Variants in ASB7 observed in about 807,000 individuals in gnomAD.
The protein encoded by ASB7 is ankyrin repeat and SOCS box protein 7.
In ASB7, 4 loss-of-function variants were observed where a neutral mutation model predicts 32.5. The observed-to-expected ratio is 0.12, with a 90% CI of 0.06 to 0.28. The LOEUF is 0.28. Among genes scored for constraint, ASB7 ranks in the 10% least tolerant of loss-of-function variants. The probability of loss-of-function intolerance (pLI) is 1.00; values close to 1 mark genes in which losing one functional copy is unlikely to be tolerated. For missense variants in ASB7, 181 were observed against 407.1 expected (o/e 0.44, Z 4.78); for synonymous variants, 172 against 155.6 (o/e 1.11, Z -0.78).
intron 2 of ASB7, among the ~76,000 whole-genome samples, chr15:100,606,735 CTTGT>C (rs1224967760): frequency 1.3e-5 from 2 of 152,006 alleles, no homozygotes; most frequent in Non-Finnish European, 2.9e-5. Flanking sequence ...GAAAGTCTTC[CTTGT>C]TTGTTTGCTT....
intron 3 of ASB7, among the ~76,000 whole-genome samples, chr15:100,611,282 G>A (rs980480978): frequency 6.6e-6 from 1 of 151,820 alleles, no homozygotes; most frequent in Non-Finnish European, 1.5e-5. Context: ...TGAACTCCTG[G>A]GCTCAAGTGG....
intron 5 of ASB7, 72 bp from the exon 6 acceptor site, chr15:100,648,251 A>G: frequency 2.1e-6 from 3 of 1,436,792 alleles, no homozygotes; most frequent in South Asian, 1.4e-5. Flanking sequence ...GGAAATGAAC[A>G]GTTCTTTTCA....
At chr15:100,603,501 C>T (rs184913593) in intron 2 of ASB7, among the ~76,000 whole-genome samples, 188 bp downstream of exon 2, 3 of 140,828 alleles carry the variant, frequency 2.1e-5, no homozygotes, top group East Asian at 2.3e-4. Context: ...AACTTCTCTA[C>T]CCAGGACAGT....
intron 4 of ASB7, among the ~76,000 whole-genome samples, chr15:100,619,792 C>T (rs1194538926): frequency 6.6e-6 from 1 of 152,212 alleles, no homozygotes. Context: ...TGACCACAGG[C>T]AGCCTGGTGG....
intron 4 of ASB7, among the ~76,000 whole-genome samples, chr15:100,616,906 C>T (rs1037897934): frequency 5.9e-5 from 9 of 152,216 alleles, no homozygotes; most frequent in African/African-American, 2.2e-4. Context: ...TTAATGTCTG[C>T]ACTCTCATGG....
intron 5 of ASB7, among the ~76,000 whole-genome samples, chr15:100,646,914 G>C (rs2040000749): frequency 1.3e-5 from 2 of 152,184 alleles, no homozygotes; most frequent in Non-Finnish European, 2.9e-5. Context: ...TGGTGTGATT[G>C]ATGTGACTTA....
intron 3 of ASB7, among the ~76,000 whole-genome samples, chr15:100,611,484 C>CTTTTTTTTTTTTGTTTTTTTT (rs2039694807): frequency 1.3e-5 from 1 of 77,144 alleles, no homozygotes; most frequent in Non-Finnish European, 2.3e-5. Context: ...TGTTTCGATT[C>CTTTTTTTTTTTTGTTTTTTTT]TTTTTTTTTT....
intron 4 of ASB7, among the ~76,000 whole-genome samples, chr15:100,614,432 C>T (rs986317641): frequency 6.6e-5 from 10 of 152,054 alleles, no homozygotes; most frequent in African/African-American, 2.4e-4. Context: ...CAGGAGTCTG[C>T]AAACTTGTTC....
chr15:100,647,796 C>T (rs916959861), intron 5 of ASB7, among the ~76,000 whole-genome samples: 8 of 152,072 alleles, frequency 5.3e-5, no homozygotes, highest in Admixed American at 2.0e-4. Flanking sequence ...CCACAGAGAC[C>T]GTGGTGGGTG....
chr15:100,645,338 T>C (rs1420193170), intron 5 of ASB7: 6 of 233,752 alleles, frequency 2.6e-5, no homozygotes, highest in Non-Finnish European at 5.1e-5. Flanking sequence ...GGCTGCTTTC[T>C]GCATCTGCAT....
chr15:100,635,703 G>A (rs2039917577), intron 5 of ASB7, among the ~76,000 whole-genome samples: 1 of 152,158 alleles, frequency 6.6e-6, no homozygotes, highest in Non-Finnish European at 1.5e-5. Flanking sequence ...CCAGTGGTCT[G>A]CAGTCTTCTG....
At chr15:100,639,173 A>G (rs1316301189) in intron 5 of ASB7, among the ~76,000 whole-genome samples, 1 of 152,228 alleles carries the variant, frequency 6.6e-6, no homozygotes, top group Admixed American at 6.5e-5. Context: ...TTTCTAAAAG[A>G]AAAAGATCAA....
intron 5 of ASB7, among the ~76,000 whole-genome samples, chr15:100,633,887 A>C (rs982842510): frequency 4.6e-5 from 7 of 152,152 alleles, no homozygotes; most frequent in Admixed American, 1.3e-4. Context: ...TAATGTTTGC[A>C]CACACACCAC....
chr15:100,647,366 A>T (rs1236990907), intron 5 of ASB7, among the ~76,000 whole-genome samples: 1 of 152,240 alleles, frequency 6.6e-6, no homozygotes, highest in Non-Finnish European at 1.5e-5. Flanking sequence ...AAAGGAGTTA[A>T]TACATGTCAT....
chr15:100,639,079 C>T (rs2039944032), intron 5 of ASB7, among the ~76,000 whole-genome samples: 1 of 152,164 alleles, frequency 6.6e-6, no homozygotes, highest in Non-Finnish European at 1.5e-5. Flanking sequence ...CTGGAAGCAA[C>T]CACCAGTATG....
At chr15:100,623,849 CAAAAG>C (rs2039813605) in intron 4 of ASB7, among the ~76,000 whole-genome samples, 2 of 152,110 alleles carry the variant, frequency 1.3e-5, no homozygotes, top group African/African-American at 4.8e-5. Flanking sequence ...ACTGAGTATC[CAAAAG>C]AAAAGAAATC....
chr15:100,640,977 T>G (rs557520351), intron 5 of ASB7, among the ~76,000 whole-genome samples: 2 of 152,218 alleles, frequency 1.3e-5, no homozygotes, highest in Non-Finnish European at 2.9e-5. Flanking sequence ...GAATACCTGG[T>G]AGTTTTTTGT....
chr15:100,624,935 C>T (rs542861229), intron 4 of ASB7, among the ~76,000 whole-genome samples: 13 of 152,242 alleles, frequency 8.5e-5, no homozygotes, highest in African/African-American at 2.9e-4. Flanking sequence ...GTAGTATTTA[C>T]TCCAGGAGTA....
At chr15:100,622,906 C>A (rs1481434641) in intron 4 of ASB7, among the ~76,000 whole-genome samples, 1 of 152,158 alleles carries the variant, frequency 6.6e-6, no homozygotes, top group Non-Finnish European at 1.5e-5. Context: ...CTCAGAAACA[C>A]AGACAACTAA....
Sources: allele counts gnomAD v4.1 joint callset (sites outside exome capture counted in the v4.1 genomes callset), GRCh38; gene constraint gnomAD v4.1.1; transcripts MANE v1.5; gene names NCBI Gene and HGNC (gene_info 2026-07-23, HGNC 2026-07-21).